PCGF3: variants seen among roughly 807,000 people sequenced by gnomAD.
PCGF3 encodes the protein polycomb group RING finger protein 3.
PCGF3 carries 7 observed loss-of-function variants against 33.1 expected under a neutral mutation model. The observed-to-expected ratio is 0.21, with a 90% CI of 0.12 to 0.40. The LOEUF (loss-of-function observed/expected upper bound fraction) is 0.40, where lower values mean the gene tolerates loss of function less well. Ranked by LOEUF, PCGF3 falls within the 10% of genes least tolerant of loss-of-function variation. The pLI, the probability that PCGF3 is intolerant of heterozygous loss-of-function variation, is 1.00. For missense variants in PCGF3, 211 were observed against 313.3 expected, an observed-to-expected ratio of 0.67 and a Z score of 2.46; for synonymous variants, 153 against 121.3, an observed-to-expected ratio of 1.26 and a Z score of -1.72.
At chr4:762,864 G>C (rs1745140445) in intron 9 of PCGF3, 1 of 152,268 alleles carries the variant, frequency 6.6e-6, no homozygotes, top group African/African-American at 2.4e-5. Context: ...GCCACAATAA[G>C]TTGCTGATGT....
At chr4:737,444 C>T (rs773471364) in intron 5 of PCGF3, 22 bp from the exon 6 acceptor site, 3 of 1,556,158 alleles carry the variant, frequency 1.9e-6, no homozygotes, top group South Asian at 1.1e-5. Flanking sequence ...CAGCTAACTC[C>T]ACCTTTCTGT....
At chr4:730,748 T>G in intron 2 of PCGF3, 80 bp downstream of exon 2, 8 of 331,358 alleles carry the variant, frequency 2.4e-5, no homozygotes, top group East Asian at 4.5e-5. Flanking sequence ...GCTTTGTGCA[T>G]GTGGTCGGCG....
intron 10 of PCGF3, among the ~76,000 whole-genome samples, chr4:765,432 CAAA>C (rs33972537): frequency 2.4e-4 from 33 of 139,436 alleles, no homozygotes; most frequent in East Asian, 2.1e-4. Context: ...GACTCTGTCT[CAAA>C]AAAAAAAAAA....
At chr4:710,623 G>A (rs1332126022) in intron 1 of PCGF3, among the ~76,000 whole-genome samples, 2 of 152,202 alleles carry the variant, frequency 1.3e-5, no homozygotes, top group Admixed American at 1.3e-4. Context: ...ATTGGTGTGG[G>A]TTTCTCCGAT....
intron 8 of PCGF3, among the ~76,000 whole-genome samples, chr4:753,430 G>A (rs903033340): frequency 6.6e-5 from 10 of 151,238 alleles, no homozygotes; most frequent in Non-Finnish European, 5.9e-5. Flanking sequence ...CGAGGCAGGC[G>A]GATCACAAGG....
intron 1 of PCGF3, among the ~76,000 whole-genome samples, chr4:711,893 G>A (rs1026192236): frequency 4.6e-5 from 7 of 151,578 alleles, no homozygotes; most frequent in South Asian, 2.1e-4. Context: ...CCCGGGAAGC[G>A]GAGTTTGCAG....
At position 738,579 on chromosome 4, in the gene PCGF3, G is replaced by A. The variant is rs902601787; in HGVS notation, c.262+1058G>A. On this transcript the variant is annotated intron_variant, in intron 6 of 10. Transcript: ENST00000362003. ...TAAGAAACGTTTGTGGCCGGGTGCAGTGGCTCACGCCTGTAATCCCAGCAC... is the reference window on the plus strand; with the variant it reads ...TAAGAAACGTTTGTGGCCGGGTGCAATGGCTCACGCCTGTAATCCCAGCAC... 8.6e-5 allele frequency among the ~76,000 whole-genome samples: 13 copies of A among 151,918 alleles called. 2 individuals carry two copies. The highest frequency in any genetic ancestry group is 6.6e-5 in the Admixed American group (1 of 15,258).
intron 8 of PCGF3, among the ~76,000 whole-genome samples, chr4:748,009 G>A (rs1282072333): frequency 6.6e-6 from 1 of 152,110 alleles, no homozygotes; most frequent in Non-Finnish European, 1.5e-5. Flanking sequence ...TCCTCCGGGC[G>A]CGTCTCTGTG....
rs1743057700 is a variant in PCGF3, at chr4:721,057, A to G, written c.-189-9573A>G. Among the ~76,000 whole-genome samples, 1 of 151,950 alleles carries G rather than the reference A, an allele frequency of 6.6e-6. No homozygotes were observed. Reference sequence around the variant, plus strand: ...TGGAGCAGACGGGACTCCACGTGGCACCACCCCTCCCACCTGGGCTGGGCA... The same window carrying G: ...TGGAGCAGACGGGACTCCACGTGGCGCCACCCCTCCCACCTGGGCTGGGCA... On this transcript the variant is annotated intron_variant, in intron 1 of 10. Coordinates refer to ENST00000362003, the Ensembl canonical transcript of PCGF3. The surrounding 1 kb of genome is among the most constrained non-coding windows in gnomAD (Gnocchi z 4.1).
chr4:723,794 C>T (rs913752197), intron 1 of PCGF3: 6 of 152,498 alleles, frequency 3.9e-5, no homozygotes, highest in Non-Finnish European at 7.3e-5. Context: ...GAGTGCAACA[C>T]CCCCTGTGAC....
chr4:710,751 C>T (rs1223514577), intron 1 of PCGF3, among the ~76,000 whole-genome samples: 1 of 152,190 alleles, frequency 6.6e-6, no homozygotes, highest in Admixed American at 6.5e-5. Context: ...AAGACCCCCC[C>T]ACAAATTAAA....
chr4:713,787 C>A (rs991890360), intron 1 of PCGF3, among the ~76,000 whole-genome samples: 2 of 152,092 alleles, frequency 1.3e-5, no homozygotes, highest in African/African-American at 4.8e-5. Flanking sequence ...GGAATCAGAC[C>A]GTAAAAGCTG....
chr4:762,004 A>G, intron 9 of PCGF3: 1 of 985,332 alleles, frequency 1.0e-6, no homozygotes, highest in Non-Finnish European at 1.2e-6. Context: ...AAATGGACGC[A>G]GGAGAGGCCA....
chr4:731,573 G>A (rs1328605116), intron 3 of PCGF3, among the ~76,000 whole-genome samples: 1 of 125,956 alleles, frequency 7.9e-6, no homozygotes, highest in Admixed American at 7.5e-5. Flanking sequence ...GTCGTGGGTG[G>A]GCGTGGTCCT....
At chr4:715,270 C>T (rs1194099718) in intron 1 of PCGF3, among the ~76,000 whole-genome samples, 12 of 139,972 alleles carry the variant, frequency 8.6e-5, no homozygotes, top group African/African-American at 3.2e-4. Context: ...TGCTGGGACC[C>T]TGTAGACACT....
chr4:708,515 A>G (rs539547379), intron 1 of PCGF3, among the ~76,000 whole-genome samples: 9 of 152,288 alleles, frequency 5.9e-5, no homozygotes, highest in African/African-American at 1.9e-4. Flanking sequence ...CAGCCCCTGC[A>G]CATGAACCGC....
intron 9 of PCGF3, chr4:764,444 G>A (rs953778590): frequency 1.3e-5 from 2 of 153,038 alleles, no homozygotes; most frequent in Non-Finnish European, 2.9e-5. Context: ...GGGCCTGGGT[G>A]GGATGGGGAG....
At chr4:764,059 C>G (rs150516531) in intron 9 of PCGF3, among the ~76,000 whole-genome samples, 1 of 152,046 alleles carries the variant, frequency 6.6e-6, no homozygotes, top group East Asian at 1.9e-4. Flanking sequence ...TAGGAGTGGG[C>G]GGGCACAGGG....
At chr4:765,425 T>G (rs1287497950) in intron 10 of PCGF3, among the ~76,000 whole-genome samples, 2 of 112,568 alleles carry the variant, frequency 1.8e-5, no homozygotes, top group Non-Finnish European at 3.8e-5. Context: ...AGAGGGAGAC[T>G]CTGTCTCAAA....
Sources: allele counts gnomAD v4.1 joint callset (sites outside exome capture counted in the v4.1 genomes callset), GRCh38; gene constraint gnomAD v4.1.1; non-coding constraint Gnocchi (gnomAD v3.1); transcripts MANE v1.5; gene names NCBI Gene and HGNC (gene_info 2026-07-23, HGNC 2026-07-21).